The following GPC6 variants were observed in gnomAD, a reference collection of about 807,000 sequenced individuals.
GPC6 encodes the protein glypican 6, also known as glypican-6.
GPC6 carries 14 observed loss-of-function variants against 55.2 expected under a neutral mutation model. The ratio of observed to expected loss-of-function variants is 0.25; its 90% confidence interval spans 0.17 to 0.40. The LOEUF (loss-of-function observed/expected upper bound fraction) is 0.40. Among genes scored for constraint, GPC6 ranks in the 10% least tolerant of loss-of-function variants. GPC6 has a pLI of 1.00. For missense variants in GPC6, 641 were observed against 708.5 expected (o/e 0.90, Z 1.08); for synonymous variants, 278 against 259.6 (o/e 1.07, Z -0.68).
intron 4 of GPC6, among the ~76,000 whole-genome samples, chr13:94,178,544 GAC>G (rs1004503013): frequency 1.3e-5 from 2 of 152,186 alleles, no homozygotes; most frequent in African/African-American, 4.8e-5. Context: ...TCACTCATGG[GAC>G]AGTGGGTTTT....
chr13:94,132,990 G>A (rs1394808084), intron 4 of GPC6, among the ~76,000 whole-genome samples: 1 of 152,026 alleles, frequency 6.6e-6, no homozygotes, highest in Non-Finnish European at 1.5e-5. Flanking sequence ...AGATTTTGAT[G>A]TTCCTGTATG....
At chr13:93,981,307 A>G (rs1354150389) in intron 3 of GPC6, among the ~76,000 whole-genome samples, 1 of 152,218 alleles carries the variant, frequency 6.6e-6, no homozygotes, top group African/African-American at 2.4e-5. Flanking sequence ...TTTCAAGTAC[A>G]TAAATAATTT....
intron 1 of GPC6, among the ~76,000 whole-genome samples, chr13:93,251,282 G>A (rs1876778299): frequency 6.6e-6 from 1 of 152,078 alleles, no homozygotes; most frequent in South Asian, 2.1e-4. Context: ...CTTTCTGACT[G>A]GAATTCAAGC....
At chr13:93,777,438 A>C (rs958783147) in intron 2 of GPC6, among the ~76,000 whole-genome samples, 1 of 152,180 alleles carries the variant, frequency 6.6e-6, no homozygotes, top group Admixed American at 6.6e-5. Flanking sequence ...GTGCTCTGAC[A>C]CTACTACTTT....
intron 1 of GPC6, among the ~76,000 whole-genome samples, chr13:93,284,907 A>T (rs1467882375): frequency 6.6e-6 from 1 of 152,208 alleles, no homozygotes; most frequent in South Asian, 2.1e-4. Flanking sequence ...GGTCTGGGAA[A>T]TGAGAAAAGG....
At chr13:94,255,115 AGTT>A (rs1284862390) in intron 4 of GPC6, among the ~76,000 whole-genome samples, 9 of 152,210 alleles carry the variant, frequency 5.9e-5, no homozygotes, top group African/African-American at 2.2e-4. Context: ...TTTTATTAGC[AGTT>A]GTTAGAATCC....
At chr13:93,774,412 A>G (rs1363769393) in intron 2 of GPC6, among the ~76,000 whole-genome samples, 2 of 152,294 alleles carry the variant, frequency 1.3e-5, no homozygotes, top group African/African-American at 4.8e-5. Flanking sequence ...ATCACAAAGT[A>G]TCTTATATTT....
chr13:94,326,113 T>C (rs1877100067), intron 6 of GPC6, among the ~76,000 whole-genome samples: 1 of 152,048 alleles, frequency 6.6e-6, no homozygotes, highest in South Asian at 2.1e-4. Context: ...GTGAGAACAC[T>C]AGAATCCAGA....
chr13:94,195,886 A>G (rs1425992646), intron 4 of GPC6, among the ~76,000 whole-genome samples: 1 of 152,230 alleles, frequency 6.6e-6, no homozygotes, highest in Non-Finnish European at 1.5e-5. Context: ...AGGGGAACCC[A>G]CAGTACCATA....
At chr13:94,356,611 A>G (rs1878808324) in intron 6 of GPC6, among the ~76,000 whole-genome samples, 1 of 152,228 alleles carries the variant, frequency 6.6e-6, no homozygotes, top group African/African-American at 2.4e-5. Flanking sequence ...GCAGCTGTGG[A>G]TAGGCTAAGA....
At chr13:93,689,091 T>C (rs937170762) in intron 2 of GPC6, among the ~76,000 whole-genome samples, 2 of 152,066 alleles carry the variant, frequency 1.3e-5, no homozygotes, top group African/African-American at 4.8e-5. Flanking sequence ...GGAGTTATTT[T>C]CTCTACAGGG....
At chr13:93,855,721 TG>T (rs1888580760) in intron 3 of GPC6, among the ~76,000 whole-genome samples, 1 of 151,682 alleles carries the variant, frequency 6.6e-6, no homozygotes, top group Non-Finnish European at 1.5e-5. Context: ...CTAATAAGTG[TG>T]TAGTGTATCT....
intron 6 of GPC6, among the ~76,000 whole-genome samples, chr13:94,365,974 G>C (rs991228971): frequency 1.3e-5 from 2 of 152,172 alleles, no homozygotes; most frequent in Non-Finnish European, 2.9e-5. Context: ...GAAGTGAAAT[G>C]CTTTGCAATG....
At chr13:93,395,342 C>T in intron 1 of GPC6, 1 of 449,948 alleles carries the variant, frequency 2.2e-6, no homozygotes, top group Non-Finnish European at 4.2e-6. Flanking sequence ...CCCAACTTCA[C>T]AGTTGTGTCC....
In GPC6 at chr13:94,334,771, C is replaced by T. The variant is rs149887253; in HGVS notation, c.1152+28648C>T. Among the ~76,000 whole-genome samples, 328 of 152,320 alleles carry T rather than the reference C, an allele frequency of 2.2e-3. 1 individual carries two copies. The highest frequency in any genetic ancestry group is 2.8e-3 in the Non-Finnish European group (191 of 68,042). Reference sequence around the variant, plus strand: ...TGAGTGTCTTCCTGAGCACATCAGGCGTAATGTTCTAGAGCCAGCCCTGGA... The same window carrying T: ...TGAGTGTCTTCCTGAGCACATCAGGTGTAATGTTCTAGAGCCAGCCCTGGA... On this transcript the variant is annotated intron_variant, in intron 6 of 8. Coordinates refer to ENST00000377047, the MANE Select transcript of GPC6 (RefSeq NM_005708.5).
chr13:93,668,702 G>A (rs1450221123), intron 2 of GPC6, among the ~76,000 whole-genome samples: 1 of 152,170 alleles, frequency 6.6e-6, no homozygotes, highest in Non-Finnish European at 1.5e-5. Flanking sequence ...AAGAGGCACA[G>A]AAAGATCCTT....
chr13:93,776,767 A>G (rs1296842204), intron 2 of GPC6, among the ~76,000 whole-genome samples: 2 of 152,210 alleles, frequency 1.3e-5, no homozygotes, highest in African/African-American at 2.4e-5. Flanking sequence ...TGTAAATGAC[A>G]TAAAACATTT....
intron 2 of GPC6, among the ~76,000 whole-genome samples, chr13:93,734,128 G>T (rs974071558): frequency 6.6e-6 from 1 of 151,838 alleles, no homozygotes; most frequent in Non-Finnish European, 1.5e-5. Context: ...TGAAAATATT[G>T]TTGTTTTAGT....
intron 1 of GPC6, among the ~76,000 whole-genome samples, chr13:93,535,729 C>G (rs1882037728): frequency 6.7e-6 from 1 of 150,370 alleles, no homozygotes; most frequent in South Asian, 2.1e-4. Context: ...TCCTTAGCTT[C>G]TCTGATCATT....
Sources: gnomAD v4.1 joint callset for allele counts (sites outside exome capture counted in the v4.1 genomes callset) on GRCh38, gnomAD v4.1.1 for gene constraint, MANE v1.5 for transcripts, NCBI Gene and HGNC (gene_info 2026-07-23, HGNC 2026-07-21) for gene names.